Variants in MAGI2 observed in about 807,000 individuals in gnomAD.
MAGI2 encodes the protein membrane-associated guanylate kinase, WW and PDZ domain-containing protein 2.
Under a neutral mutation model 133.3 loss-of-function variants are expected in MAGI2, and 35 were observed. The observed-to-expected ratio is 0.26, with a 90% CI of 0.20 to 0.35. The LOEUF is 0.35. Ranked by LOEUF, MAGI2 falls within the 10% of genes least tolerant of loss-of-function variation. The pLI, the probability that MAGI2 is intolerant of heterozygous loss-of-function variation, is 1.00. For synonymous variants in MAGI2, 729 were observed against 710.6 expected (o/e 1.03, Z -0.41); for missense variants, 1,636 against 1,863.4 (o/e 0.88, Z 2.25).
rs181757075 is a variant in MAGI2, at chr7:78,637,942, G to C, written c.419-10703C>G. Among the ~76,000 whole-genome samples, 669 of 152,150 alleles carry C rather than the reference G, an allele frequency of 4.4e-3. 3 individuals carry two copies. The highest frequency in any genetic ancestry group is 0.014 in the African/African-American group (594 of 41,516). ...AAAATTTAAAAATTAGCTTGGTATAGTGGCACACATCTTTAGTCCCAAGTG... is the reference window on the plus strand; with the variant it reads ...AAAATTTAAAAATTAGCTTGGTATACTGGCACACATCTTTAGTCCCAAGTG... On this transcript the variant is annotated intron_variant, in intron 2 of 21. Coordinates refer to ENST00000354212, the MANE Select transcript of MAGI2 (RefSeq NM_012301.4).
intron 1 of MAGI2, among the ~76,000 whole-genome samples, chr7:79,390,719 T>C (rs1844540365): frequency 6.6e-6 from 1 of 152,180 alleles, no homozygotes; most frequent in Admixed American, 6.5e-5. Context: ...CTTCCTATTC[T>C]TCGAAGCGTG....
At chr7:78,500,109 C>G (rs778870490) in intron 5 of MAGI2, among the ~76,000 whole-genome samples, 5 of 152,118 alleles carry the variant, frequency 3.3e-5, no homozygotes, top group African/African-American at 1.2e-4. Flanking sequence ...TGTTTCTCAT[C>G]TATGTTGGAG....
intron 20 of MAGI2, among the ~76,000 whole-genome samples, chr7:78,101,232 T>G (rs1462079502): frequency 1.3e-5 from 2 of 152,168 alleles, no homozygotes; most frequent in Non-Finnish European, 2.9e-5. Flanking sequence ...CCCTTTGACC[T>G]CAAATTGCCA....
At chr7:78,497,681 G>A (rs1049751297) in intron 5 of MAGI2, among the ~76,000 whole-genome samples, 2 of 150,598 alleles carry the variant, frequency 1.3e-5, no homozygotes, top group Non-Finnish European at 3.0e-5. Context: ...CATATCTAAT[G>A]TTTCACTGTA....
chr7:78,865,960 TCAATCTGATA>T (rs759811626), intron 2 of MAGI2, among the ~76,000 whole-genome samples: 11 of 152,118 alleles, frequency 7.2e-5, no homozygotes, highest in Non-Finnish European at 1.6e-4. Flanking sequence ...CAGAAAACAT[TCAATCTGATA>T]CAATCTGAAT....
chr7:79,453,321 G>C lies in MAGI2; in HGVS notation c.-1C>G. On this transcript the variant is annotated 5_prime_UTR_variant, in exon 1 of 22. Coordinates refer to ENST00000354212, the MANE Select transcript of MAGI2 (RefSeq NM_012301.4). ...TTTTCTTTTTCAAGCTTTTGGACAT[G>C]GCAGTGGGGCGAGTCGCCTCAGTTC... is the stretch of plus-strand genomic sequence containing the variant. 6.2e-7 allele frequency: 1 copy of C among 1,601,158 alleles called. No individual in the cohort carries two copies. Among genetic ancestry groups the C allele is most frequent in the Non-Finnish European group, 8.5e-7 (1 of 1,172,706 alleles).
At chr7:78,391,361 G>A (rs2151315966) in intron 6 of MAGI2, among the ~76,000 whole-genome samples, 1 of 121,854 alleles carries the variant, frequency 8.2e-6, no homozygotes, top group Non-Finnish European at 1.9e-5. Flanking sequence ...ACTTAGAAGA[G>A]AAACATTTAG....
At chr7:79,392,255 T>C (rs923506196) in intron 1 of MAGI2, among the ~76,000 whole-genome samples, 1 of 152,184 alleles carries the variant, frequency 6.6e-6, no homozygotes, top group African/African-American at 2.4e-5. Flanking sequence ...AACCAGTCTA[T>C]GATTGACAGG....
intron 3 of MAGI2, among the ~76,000 whole-genome samples, chr7:78,537,974 GT>G (rs1798096425): frequency 6.6e-6 from 1 of 152,134 alleles, no homozygotes; most frequent in African/African-American, 2.4e-5. Flanking sequence ...ATGGTTTGAG[GT>G]TTTAGATTTA....
At chr7:79,038,052 C>A (rs559026012) in intron 1 of MAGI2, among the ~76,000 whole-genome samples, 1 of 152,144 alleles carries the variant, frequency 6.6e-6, no homozygotes, top group Non-Finnish European at 1.5e-5. Flanking sequence ...CTAGAAGTTT[C>A]TCTTTTTGTG....
intron 6 of MAGI2, among the ~76,000 whole-genome samples, chr7:78,419,989 A>G (rs1798650871): frequency 6.6e-6 from 1 of 152,170 alleles, no homozygotes; most frequent in South Asian, 2.1e-4. Flanking sequence ...ACAGGATAGT[A>G]ATGCCAGAGG....
At chr7:78,501,522 T>C (rs1451893980) in intron 5 of MAGI2, 55 bp downstream of exon 5, 9 of 1,366,758 alleles carry the variant, frequency 6.6e-6, no homozygotes, top group Non-Finnish European at 9.4e-6. Flanking sequence ...TGCTACATCA[T>C]TTATATCCCG....
intron 1 of MAGI2, among the ~76,000 whole-genome samples, chr7:79,238,576 G>A (rs1245333052): frequency 6.6e-6 from 1 of 152,080 alleles, no homozygotes; most frequent in African/African-American, 2.4e-5. Context: ...TTGTACTAAG[G>A]TGGTTTCTAG....
intron 2 of MAGI2, among the ~76,000 whole-genome samples, chr7:78,866,589 C>T (rs1047980782): frequency 6.6e-6 from 1 of 151,930 alleles, no homozygotes; most frequent in Non-Finnish European, 1.5e-5. Context: ...TGCTAGTTTC[C>T]TGCTTATCGG....
intron 1 of MAGI2, among the ~76,000 whole-genome samples, chr7:79,342,893 G>C (rs1362866315): frequency 2.0e-5 from 3 of 151,974 alleles, no homozygotes; most frequent in Non-Finnish European, 4.4e-5. Flanking sequence ...CCAAGTAGCT[G>C]GGATTACAGG....
chr7:78,835,703 G>A (rs1278197542), intron 2 of MAGI2, among the ~76,000 whole-genome samples: 5 of 152,296 alleles, frequency 3.3e-5, no homozygotes, highest in East Asian at 1.9e-4. Context: ...GGAAGGAGAC[G>A]TTAGCATAAG....
chr7:79,147,850 C>T (rs1393290984), intron 1 of MAGI2, among the ~76,000 whole-genome samples: 5 of 152,158 alleles, frequency 3.3e-5, no homozygotes, highest in Non-Finnish European at 2.9e-5. Context: ...TGCAGATCAC[C>T]TCCTTGTCCT....
intron 16 of MAGI2, among the ~76,000 whole-genome samples, chr7:78,142,647 T>C (rs1169192389): frequency 6.6e-6 from 1 of 152,196 alleles, no homozygotes; most frequent in African/African-American, 2.4e-5. Context: ...CCTCTTTAAG[T>C]AGATGTTAAG....
intron 2 of MAGI2, among the ~76,000 whole-genome samples, chr7:78,924,846 A>C (rs997479272): frequency 1.5e-4 from 22 of 149,432 alleles, no homozygotes; most frequent in African/African-American, 5.5e-4. Flanking sequence ...TATTATTATT[A>C]TTACTACTAT....
Sources: gnomAD v4.1 joint callset for allele counts (sites outside exome capture counted in the v4.1 genomes callset) on GRCh38, gnomAD v4.1.1 for gene constraint, MANE v1.5 for transcripts, NCBI Gene and HGNC (gene_info 2026-07-23, HGNC 2026-07-21) for gene names.